BICDL1: variants seen among roughly 807,000 people sequenced by gnomAD.
The protein encoded by BICDL1 is BICD family like cargo adaptor 1.
In BICDL1, 20 loss-of-function variants were observed where a neutral mutation model predicts 76.8. That is an observed-to-expected ratio of 0.26 (90% CI 0.18 to 0.38). The LOEUF is 0.38. Among genes scored for constraint, BICDL1 ranks in the 10% least tolerant of loss-of-function variants. The pLI, the probability that BICDL1 is intolerant of heterozygous loss-of-function variation, is 1.00. For missense variants in BICDL1, 700 were observed against 798.6 expected (o/e 0.88, Z 1.49); for synonymous variants, 383 against 337.1 (o/e 1.14, Z -1.49).
intron 2 of BICDL1, among the ~76,000 whole-genome samples, chr12:120,019,513 A>AT (rs1280520582): frequency 6.6e-6 from 1 of 152,150 alleles, no homozygotes; most frequent in East Asian, 1.9e-4. Flanking sequence ...AAAATTTAAT[A>AT]TTTTTTTCAA....
chr12:120,044,901 G>A lies in BICDL1; in HGVS notation c.646-16809G>A, dbSNP rs190697166. Among the ~76,000 whole-genome samples, 481 of 152,164 alleles carry A rather than the reference G, an allele frequency of 3.2e-3. 5 individuals carry two copies. Among genetic ancestry groups the A allele is most frequent in the Middle Eastern group, 3.4e-3 (1 of 294 alleles). On this transcript the variant is annotated intron_variant, in intron 2 of 9. Coordinates refer to ENST00000548673, the MANE Select transcript of BICDL1 (RefSeq NM_001367886.1). ...ACTTGGCGATGCGGGCTCTTTTTTG[G>A]TTCCATATGAACTTTAAAGTAGTTT...
chr12:120,016,268 A>G (rs1229163755), intron 2 of BICDL1, among the ~76,000 whole-genome samples: 1 of 152,040 alleles, frequency 6.6e-6, no homozygotes, highest in African/African-American at 2.4e-5. Flanking sequence ...AATATACTGC[A>G]TTTTGTTTAT....
chr12:119,995,769 G>A (rs868434670), intron 1 of BICDL1, among the ~76,000 whole-genome samples: 32 of 152,054 alleles, frequency 2.1e-4, no homozygotes, highest in African/African-American at 6.5e-4. Context: ...AGCGGATCAC[G>A]AGGTCAGGAG....
intron 2 of BICDL1, among the ~76,000 whole-genome samples, chr12:120,018,007 G>C (rs958762516): frequency 6.6e-6 from 1 of 152,050 alleles, no homozygotes; most frequent in African/African-American, 2.4e-5. Flanking sequence ...GTTTCCTTTG[G>C]TTTCATCTTT....
rs140626118 is a variant in BICDL1, at chr12:120,021,830, G to A, written c.645+23094G>A. 8.0e-3 allele frequency among the ~76,000 whole-genome samples: 1,210 copies of A among 150,434 alleles called. 16 individuals carry two copies. Among genetic ancestry groups the A allele is most frequent in the African/African-American group, 0.027 (1,101 of 41,040 alleles). On this transcript the variant is annotated intron_variant, in intron 2 of 9. Coordinates refer to ENST00000548673, the MANE Select transcript of BICDL1 (RefSeq NM_001367886.1). The stretch of plus-strand genomic sequence containing the variant: ...TGAGGCAGGAGATTTGCTTGAACCC[G>A]GGAGGTGAAGGTTGCAGTGAACCGA...
chr12:120,006,066 G>A (rs1329797514), intron 2 of BICDL1, among the ~76,000 whole-genome samples: 1 of 152,052 alleles, frequency 6.6e-6, no homozygotes, highest in Non-Finnish European at 1.5e-5. Context: ...CTATCATTCT[G>A]TATGCATACA....
chr12:120,039,026 G>A (rs955437782), intron 2 of BICDL1, among the ~76,000 whole-genome samples: 13 of 152,242 alleles, frequency 8.5e-5, no homozygotes, highest in African/African-American at 2.9e-4. Context: ...GGCCGGGCAC[G>A]GTGACTCAGC....
At chr12:120,017,003 C>T (rs1384752025) in intron 2 of BICDL1, among the ~76,000 whole-genome samples, 4 of 152,142 alleles carry the variant, frequency 2.6e-5, no homozygotes, top group African/African-American at 4.8e-5. Flanking sequence ...TGCCATTCTC[C>T]TGCTGAGCTC....
At chr12:120,000,928 C>T (rs1951747127) in intron 2 of BICDL1, among the ~76,000 whole-genome samples, 1 of 152,158 alleles carries the variant, frequency 6.6e-6, no homozygotes, top group Non-Finnish European at 1.5e-5. Flanking sequence ...TTTACTAAAG[C>T]AGTGTCTTTA....
intron 6 of BICDL1, among the ~76,000 whole-genome samples, chr12:120,073,015 C>T (rs1008863606): frequency 1.3e-5 from 2 of 152,148 alleles, no homozygotes; most frequent in Non-Finnish European, 2.9e-5. Flanking sequence ...GGATTACAGG[C>T]GTGCACCACC....
intron 2 of BICDL1, among the ~76,000 whole-genome samples, chr12:120,007,096 C>A (rs1033857421): frequency 1.3e-5 from 2 of 151,962 alleles, no homozygotes; most frequent in African/African-American, 4.8e-5. Context: ...AAAAAATAAT[C>A]AAAAATGACT....
intron 2 of BICDL1, among the ~76,000 whole-genome samples, chr12:120,032,655 C>T (rs1952445967): frequency 6.6e-6 from 1 of 151,934 alleles, no homozygotes; most frequent in African/African-American, 2.4e-5. Flanking sequence ...TTAAAAACAT[C>T]ATATTTCCAC....
In BICDL1 at chr12:120,093,100, G is replaced by A. The variant is rs762911693; in HGVS notation, c.1805G>A (p.Arg602Gln). The A allele has an allele frequency of 1.6e-5, 26 of 1,612,730 alleles. No individual in the cohort carries two copies. The highest frequency in any genetic ancestry group is 1.2e-4 in the African/African-American group (9 of 74,882). Residue 602 changes from arginine to glutamine, a missense_variant, in exon 10 of 10, where the codon CGG (arginine) becomes CAG (glutamine). Around this residue, in one of 3 missense-constraint regions of BICDL1, gnomAD observed 455 missense variants for 548.7 expected, o/e 0.83. Coordinates refer to ENST00000548673, the MANE Select transcript of BICDL1 (RefSeq NM_001367886.1). The part of the protein sequence containing the change: ...AALCRGHSAG[R>Q]GDEPSIAEGK... The stretch of plus-strand genomic sequence containing the variant: ...CTCTGCAGGGGCCACAGCGCTGGGC[G>A]GGGGGATGAGCCCAGCATCGCTGAA...
chr12:120,057,818 C>CTTTTTTTTTTTTTTTTTTT (rs143777152), intron 2 of BICDL1, among the ~76,000 whole-genome samples: 8 of 78,324 alleles, frequency 1.0e-4, no homozygotes, highest in African/African-American at 5.1e-4. Context: ...GCGATTCCTG[C>CTTTTTTTTTTTTTTTTTTT]TTTTTTTTTT....
chr12:120,042,931 T>C (rs1053181294), intron 2 of BICDL1, among the ~76,000 whole-genome samples: 1 of 152,134 alleles, frequency 6.6e-6, no homozygotes, highest in African/African-American at 2.4e-5. Flanking sequence ...ATTTTTCTGC[T>C]AAACCTAACC....
chr12:120,011,345 A>G (rs1346719691), intron 2 of BICDL1, among the ~76,000 whole-genome samples: 1 of 152,204 alleles, frequency 6.6e-6, no homozygotes, highest in African/African-American at 2.4e-5. Context: ...GGGTTGGTGA[A>G]CAACTAGCCA....
At position 120,071,757 on chromosome 12, in the gene BICDL1, G is replaced by A. The variant is rs774411316; in HGVS notation, c.1045G>A (p.Glu349Lys). The A allele has an allele frequency of 1.1e-5, 17 of 1,611,666 alleles. No individual in the cohort carries two copies. Among genetic ancestry groups the A allele is most frequent in the East Asian group, 2.2e-5 (1 of 44,840 alleles). Residue 349 changes from glutamate (E) to lysine (K), a missense_variant, in exon 5 of 10, where the codon GAG (glutamate) becomes AAG (lysine). Coordinates refer to ENST00000548673, the MANE Select transcript of BICDL1 (RefSeq NM_001367886.1). The surrounding 1 kb of genome is among the most constrained non-coding windows in gnomAD (Gnocchi z 4.8). ...ATSTSLLSEI[E>K]QSMEAEELEQ... ...CAGCACATCCCTCCTGTCAGAGATC[G>A]AGCAGAGCATGGAGGCTGAGGAGCT...
intron 1 of BICDL1, among the ~76,000 whole-genome samples, chr12:119,994,057 C>CT (rs1373574303): frequency 4.6e-5 from 7 of 152,132 alleles, no homozygotes; most frequent in Admixed American, 4.6e-4. Flanking sequence ...ATTTATACAC[C>CT]TTTTTTCTTC....
chr12:120,074,426 CT>C lies in BICDL1; in HGVS notation c.1309-14del. The C allele has an allele frequency of 8.5e-7, 1 of 1,178,748 alleles. No homozygotes were observed. Among genetic ancestry groups the C allele is most frequent in the Non-Finnish European group, 1.1e-6 (1 of 933,850 alleles). The allele number at this position is 1,178,748 out of a possible 1,614,324, so 73.0% of individuals were successfully genotyped here. On this transcript the variant is annotated splice_polypyrimidine_tract_variant and intron_variant, in intron 6 of 9. Coordinates refer to ENST00000548673, the MANE Select transcript of BICDL1 (RefSeq NM_001367886.1). ...ACCCTTACCATATCTGTCTGGCTGT[CT>C]TTCTTTTACTGTCAGGGCTCCCGGA...
Sources: gnomAD v4.1 joint callset for allele counts (sites outside exome capture counted in the v4.1 genomes callset) on GRCh38, gnomAD v4.1.1 for gene constraint, gnomAD v4.1.1 regional missense constraint, Gnocchi (gnomAD v3.1) non-coding constraint, MANE v1.5 for transcripts, NCBI Gene and HGNC (gene_info 2026-07-23, HGNC 2026-07-21) for gene names.